KCNQ1OT1: variants seen among roughly 807,000 people sequenced by gnomAD.
KCNQ1OT1 encodes KCNQ1 opposite strand/antisense transcript 1.
chr11:2,683,344 A>T lies in KCNQ1OT1; in HGVS notation n.16651T>A, dbSNP rs949898027. Reference sequence around the variant, plus strand: ...GGTTTCCCCCGCTCAACACTAGGCCACTGTGCCTGCCACTGCTGTCTGCAA... The same window carrying T: ...GGTTTCCCCCGCTCAACACTAGGCCTCTGTGCCTGCCACTGCTGTCTGCAA... On this transcript the variant is annotated non_coding_transcript_exon_variant, in exon 1 of 1. Coordinates refer to ENST00000597346, the Ensembl canonical transcript of KCNQ1OT1. The surrounding 1 kb of genome is among the most constrained non-coding windows in gnomAD (Gnocchi z 4.7). The T allele has an allele frequency of 7.5e-6, 3 of 398,416 alleles. No homozygotes were observed. The highest frequency in any genetic ancestry group is 1.3e-5 in the Non-Finnish European group (3 of 226,048). 24.7% of individuals were successfully genotyped at this position (398,416 alleles called of 1,614,324 possible).
At chr11:2,622,441 G>A in exon 1 of KCNQ1OT1, 1 of 398,110 alleles carries the variant, frequency 2.5e-6, no homozygotes, top group Non-Finnish European at 4.4e-6. Flanking sequence ...TGTGTCTTTA[G>A]ACCAAAAGTG....
chr11:2,632,832 A>C (rs1001172654), exon 1 of KCNQ1OT1: 8 of 398,324 alleles, frequency 2.0e-5, no homozygotes, highest in African/African-American at 1.6e-4. Context: ...ATGGAGATTT[A>C]AGTTGATTCC....
At chr11:2,656,580 T>C (rs1025142084) in exon 1 of KCNQ1OT1, 32 of 398,570 alleles carry the variant, frequency 8.0e-5, no homozygotes, top group Admixed American at 2.2e-4. Context: ...TGGATTCCTC[T>C]TTTGTGATGT....
Position 2,676,123 on chromosome 11 carries a change from T to C in KCNQ1OT1, n.23872A>G, listed in dbSNP as rs1850289498. The C allele has an allele frequency of 2.5e-6, 1 of 398,540 alleles. No homozygotes were observed. The highest frequency in any genetic ancestry group is 2.1e-5 in the African/African-American group (1 of 48,650). 24.7% of individuals were successfully genotyped at this position (398,540 alleles called of 1,614,324 possible). A position where few individuals can be genotyped will look rare whatever the true frequency, so the allele number is the denominator to read the frequency against. ...CATGTACTTAGTAGATACGGCTCCT[T>C]TTTATACAAATGGTAGCATACTGTA... On this transcript the variant is annotated non_coding_transcript_exon_variant, in exon 1 of 1. Transcript: ENST00000597346. The surrounding 1 kb of genome is among the most constrained non-coding windows in gnomAD (Gnocchi z 4.2).
exon 1 of KCNQ1OT1, chr11:2,665,718 C>G: frequency 2.5e-6 from 1 of 398,410 alleles, no homozygotes. Flanking sequence ...CCCTCTTGGT[C>G]TCTTCCTCCC....
At chr11:2,696,561 A>G (rs1850680052) in exon 1 of KCNQ1OT1, 2 of 398,530 alleles carry the variant, frequency 5.0e-6, no homozygotes, top group Non-Finnish European at 8.8e-6. Context: ...TTTCTTCCAC[A>G]TACATTTTAG....
exon 1 of KCNQ1OT1, chr11:2,629,982 C>CT: frequency 2.5e-6 from 1 of 398,308 alleles, no homozygotes; most frequent in Non-Finnish European, 4.4e-6. Context: ...GTGAGAATAT[C>CT]TTTTTCTTGT....
At chr11:2,699,552 G>A (rs1564862480) in exon 1 of KCNQ1OT1, 7 of 320,746 alleles carry the variant, frequency 2.2e-5, no homozygotes, top group African/African-American at 8.0e-5. Flanking sequence ...GGAGGACCGC[G>A]CGGAGGAGAA....
At chr11:2,649,356 A>G (rs938281353) in exon 1 of KCNQ1OT1, 6 of 395,650 alleles carry the variant, frequency 1.5e-5, no homozygotes, top group Non-Finnish European at 2.7e-5. Flanking sequence ...TTCCTTTCTC[A>G]TTTGTGTATC....
exon 1 of KCNQ1OT1, chr11:2,644,227 T>C: frequency 2.5e-6 from 1 of 398,414 alleles, no homozygotes; most frequent in Non-Finnish European, 4.4e-6. Flanking sequence ...ACACTGAAGG[T>C]GTCACCTTAT....
At position 2,698,297 on chromosome 11, in the gene KCNQ1OT1, TTC is replaced by T; in HGVS notation, n.1696_1697del. ...AGAACTATTCTACCTGGATGAATTA[TTC>T]TCTTTCATAACCAGAACAGTGCTGT... On this transcript the variant is annotated non_coding_transcript_exon_variant, in exon 1 of 1. Coordinates refer to ENST00000597346, the Ensembl canonical transcript of KCNQ1OT1. This position sits in a 1 kb window ranked among gnomAD's most constrained non-coding sequence, Gnocchi z 5.1. The T allele has an allele frequency of 2.5e-6, 1 of 398,668 alleles. No homozygotes were observed. Among genetic ancestry groups the T allele is most frequent in the Non-Finnish European group, 4.4e-6 (1 of 226,070 alleles). 24.7% of individuals were successfully genotyped at this position (398,668 alleles called of 1,614,324 possible).
chr11:2,699,678 C>T (rs551239543), exon 1 of KCNQ1OT1: 20 of 353,218 alleles, frequency 5.7e-5, no homozygotes, highest in African/African-American at 4.4e-4. Flanking sequence ...AGAACCGCGC[C>T]GAAAAGCCCC....
Position 2,613,349 on chromosome 11 carries a change from A to G in KCNQ1OT1, n.86646T>C. 2.5e-6 allele frequency: 1 copy of G among 398,616 alleles called. No homozygotes were observed. Among genetic ancestry groups the G allele is most frequent in the Non-Finnish European group, 4.4e-6 (1 of 226,074 alleles). The allele number at this position is 398,616 out of a possible 1,614,324, so 24.7% of individuals were successfully genotyped here. A position where few individuals can be genotyped will look rare whatever the true frequency, so the allele number is the denominator to read the frequency against. ...TTCTTAATCTGTCGCTTGCCCAACC[A>G]GTATTGAAACATTAGGTTGCTGTGA... is the stretch of plus-strand genomic sequence containing the variant. On this transcript the variant is annotated non_coding_transcript_exon_variant, in exon 1 of 1. Coordinates refer to ENST00000597346, the Ensembl canonical transcript of KCNQ1OT1. This position sits in a 1 kb window ranked among gnomAD's most constrained non-coding sequence, Gnocchi z 4.8.
At chr11:2,675,381 T>G (rs971776215) in exon 1 of KCNQ1OT1, 1 of 398,502 alleles carries the variant, frequency 2.5e-6, no homozygotes, top group African/African-American at 2.1e-5. Context: ...AGAAAACATT[T>G]AAACACAGAT....
chr11:2,668,308 G>A lies in KCNQ1OT1; in HGVS notation n.31687C>T, dbSNP rs1850119955. 2.5e-6 allele frequency: 1 copy of A among 398,580 alleles called. No homozygotes were observed. Among genetic ancestry groups the A allele is most frequent in the East Asian group, 3.6e-5 (1 of 28,074 alleles). The allele number at this position is 398,580 out of a possible 1,614,324, so 24.7% of individuals were successfully genotyped here. A position where few individuals can be genotyped will look rare whatever the true frequency, so the allele number is the denominator to read the frequency against. ...TTGGTGAGCATCAGGTTGCGTTTCT[G>A]GGGAATATATGCCTATGTGTGGAGC... On this transcript the variant is annotated non_coding_transcript_exon_variant, in exon 1 of 1. Coordinates refer to ENST00000597346, the Ensembl canonical transcript of KCNQ1OT1. This position sits in a 1 kb window ranked among gnomAD's most constrained non-coding sequence, Gnocchi z 4.3.
chr11:2,614,201 C>T, exon 1 of KCNQ1OT1: 3 of 398,556 alleles, frequency 7.5e-6, no homozygotes, highest in Middle Eastern at 6.3e-4. Context: ...GGTGCCACCT[C>T]AAATCTTAGT....
In KCNQ1OT1 at chr11:2,678,985, G is replaced by T; in HGVS notation, n.21010C>A. On this transcript the variant is annotated non_coding_transcript_exon_variant, in exon 1 of 1. Coordinates refer to ENST00000597346, the Ensembl canonical transcript of KCNQ1OT1. The surrounding 1 kb of genome is among the most constrained non-coding windows in gnomAD (Gnocchi z 4.9). ...AAAAGAGCAAATAGGCCTAATTCAAGAATTTTTAAAAACCCGCAATAAGAA... is the reference window on the plus strand; with the variant it reads ...AAAAGAGCAAATAGGCCTAATTCAATAATTTTTAAAAACCCGCAATAAGAA... 1 of 398,526 alleles carries T rather than the reference G, an allele frequency of 2.5e-6. No individual in the cohort carries two copies. The highest frequency in any genetic ancestry group is 4.4e-6 in the Non-Finnish European group (1 of 226,044). The allele number at this position is 398,526 out of a possible 1,614,324, so 24.7% of individuals were successfully genotyped here.
chr11:2,622,828 A>G (rs1427816836), exon 1 of KCNQ1OT1: 2 of 398,138 alleles, frequency 5.0e-6, no homozygotes. Context: ...CCCATTACCA[A>G]CTCTCCCACC....
exon 1 of KCNQ1OT1, chr11:2,610,978 T>C (rs1848971912): frequency 5.0e-6 from 2 of 398,374 alleles, no homozygotes; most frequent in Non-Finnish European, 8.8e-6. Flanking sequence ...CAAGAGTTAG[T>C]ACTATTATTG....
Sources: allele counts gnomAD v4.1 joint callset, GRCh38; gene constraint gnomAD v4.1.1; non-coding constraint Gnocchi (gnomAD v3.1); transcripts MANE v1.5; gene names NCBI Gene and HGNC (gene_info 2026-07-23, HGNC 2026-07-21).